The following PTPRD variants were observed in gnomAD, a reference collection of about 807,000 sequenced individuals.
PTPRD encodes receptor-type tyrosine-protein phosphatase delta.
A neutral mutation model predicts 214.5 loss-of-function variants in PTPRD; 34 were observed. That is an observed-to-expected ratio of 0.16 (90% CI 0.12 to 0.21). The LOEUF is 0.21. Among genes scored for constraint, PTPRD ranks in the 10% least tolerant of loss-of-function variants. The pLI, the probability that PTPRD is intolerant of heterozygous loss-of-function variation, is 1.00. For synonymous variants in PTPRD, 1,128 were observed against 845.7 expected (o/e 1.33, Z -5.79); for missense variants, 2,545 against 2,398.7 (o/e 1.06, Z -1.27).
At chr9:9,204,737 C>T (rs1363135700) in intron 9 of PTPRD, among the ~76,000 whole-genome samples, 1 of 152,112 alleles carries the variant, frequency 6.6e-6, no homozygotes, top group Non-Finnish European at 1.5e-5. Context: ...CTCTGTACAG[C>T]CTTGTAAAAA....
At chr9:9,267,004 T>A (rs1445974865) in intron 9 of PTPRD, among the ~76,000 whole-genome samples, 1 of 151,212 alleles carries the variant, frequency 6.6e-6, no homozygotes, top group African/African-American at 2.4e-5. Flanking sequence ...TCAACAAAAC[T>A]AAGAGTTCAT....
At chr9:10,228,730 C>T (rs1254362951) in intron 3 of PTPRD, among the ~76,000 whole-genome samples, 1 of 148,874 alleles carries the variant, frequency 6.7e-6, no homozygotes, top group East Asian at 2.0e-4. Flanking sequence ...GTATAAATTA[C>T]ATATATGTTA....
intron 11 of PTPRD, among the ~76,000 whole-genome samples, chr9:8,871,109 G>C (rs763091625): frequency 4.6e-5 from 7 of 152,090 alleles, no homozygotes; most frequent in African/African-American, 1.7e-4. Context: ...GGCAATGCCC[G>C]CTCCCTTGCT....
chr9:9,058,628 T>C (rs1019564708), intron 10 of PTPRD, among the ~76,000 whole-genome samples: 3 of 150,974 alleles, frequency 2.0e-5, no homozygotes, highest in Non-Finnish European at 4.4e-5. Context: ...TTTTTGTATT[T>C]TTAGTAGAGA....
At chr9:8,740,419 A>G (rs1312441061) in intron 11 of PTPRD, among the ~76,000 whole-genome samples, 1 of 152,220 alleles carries the variant, frequency 6.6e-6, no homozygotes, top group Non-Finnish European at 1.5e-5. Flanking sequence ...TATAGTTTTT[A>G]TAAAATGGCC....
intron 35 of PTPRD, among the ~76,000 whole-genome samples, chr9:8,409,940 C>G (rs1380098311): frequency 6.6e-6 from 1 of 152,142 alleles, no homozygotes; most frequent in Non-Finnish European, 1.5e-5. Flanking sequence ...TCCAAAGAAA[C>G]AGTATCTTTT....
intron 12 of PTPRD, among the ~76,000 whole-genome samples, chr9:8,708,619 C>T (rs1044151323): frequency 2.9e-4 from 39 of 135,040 alleles, no homozygotes; most frequent in African/African-American, 1.0e-3. Context: ...TCGGAAGTTG[C>T]AGTGAGCCCA....
rs149377212 is a variant in PTPRD at position 8,341,950 on chromosome 9, T to A, written c.4690A>T (p.Ile1564Phe). ...CTTTCTAACATGGCATCTATGACGA[T>A]GAAGCAACCAGTCCGGCCAACTCCC... ...SAGVGRTGCF[I>F]VIDAMLERIK... Residue 1564 changes from isoleucine to phenylalanine, a missense_variant, in exon 40 of 46, where the codon ATC becomes TTC. By Grantham distance (21) the Ile-to-Phe change is conservative. Coordinates refer to ENST00000381196, the MANE Select transcript of PTPRD (RefSeq NM_002839.4). 1 of 1,612,130 alleles carries A rather than the reference T, an allele frequency of 6.2e-7. No homozygotes were observed. Among genetic ancestry groups the A allele is most frequent in the African/African-American group, 1.3e-5 (1 of 74,778 alleles).
At chr9:9,624,807 C>T (rs527617960) in intron 7 of PTPRD, among the ~76,000 whole-genome samples, 1 of 139,738 alleles carries the variant, frequency 7.2e-6, no homozygotes, top group Non-Finnish European at 1.5e-5. Context: ...TAAGTTGTTA[C>T]AAATAAACTG....
intron 14 of PTPRD, among the ~76,000 whole-genome samples, chr9:8,595,159 A>G (rs1221987261): frequency 6.8e-6 from 1 of 147,156 alleles, no homozygotes; most frequent in Non-Finnish European, 1.5e-5. Flanking sequence ...CACCACACCC[A>G]GCCCCTAAAC....
rs112198623 is a variant in PTPRD at position 8,706,779 on chromosome 9, G to C, written c.64+27001C>G. On this transcript the variant is annotated intron_variant, in intron 12 of 45. Coordinates refer to ENST00000381196, the MANE Select transcript of PTPRD (RefSeq NM_002839.4). ...GTTGTCTTCATAATGCATTGCATCT[G>C]CATAGCTTGGCGTCCAGTGTTAATT... Among the ~76,000 whole-genome samples, 798 of 152,254 alleles carry C rather than the reference G, an allele frequency of 5.2e-3. 9 individuals are homozygous for C. The highest frequency in any genetic ancestry group is 0.018 in the African/African-American group (757 of 41,542).
At chr9:9,329,237 GCAAAA>G (rs998824423) in intron 9 of PTPRD, among the ~76,000 whole-genome samples, 15 of 151,790 alleles carry the variant, frequency 9.9e-5, no homozygotes, top group African/African-American at 2.7e-4. Context: ...GTAAGTTCAT[GCAAAA>G]CAAAACAAAA....
intron 11 of PTPRD, among the ~76,000 whole-genome samples, chr9:8,808,859 C>A (rs1225830103): frequency 6.6e-6 from 1 of 152,104 alleles, no homozygotes; most frequent in East Asian, 1.9e-4. Flanking sequence ...TTTCAAAGAG[C>A]TCCCCAGATG....
intron 12 of PTPRD, among the ~76,000 whole-genome samples, chr9:8,715,581 C>T (rs2098423195): frequency 6.6e-6 from 1 of 152,158 alleles, no homozygotes. Context: ...AAAACCAATG[C>T]TCTTCCCACC....
intron 7 of PTPRD, among the ~76,000 whole-genome samples, chr9:9,716,351 T>G (rs931851759): frequency 6.6e-6 from 1 of 151,606 alleles, no homozygotes; most frequent in African/African-American, 2.4e-5. Context: ...TGATTTATAG[T>G]CCTTTGGGTA....
intron 10 of PTPRD, among the ~76,000 whole-genome samples, chr9:9,156,898 C>T (rs56143206): frequency 6.6e-6 from 1 of 152,178 alleles, no homozygotes; most frequent in East Asian, 1.9e-4. Flanking sequence ...TCTCTAGATT[C>T]AAAGGAGATA....
chr9:8,945,138 C>G (rs979485288), intron 11 of PTPRD, among the ~76,000 whole-genome samples: 3 of 151,908 alleles, frequency 2.0e-5, no homozygotes, highest in African/African-American at 7.2e-5. Context: ...TTTGCTAAAT[C>G]AAATTTTAAG....
chr9:9,610,158 G>C (rs1025552754), intron 7 of PTPRD, among the ~76,000 whole-genome samples: 1 of 152,068 alleles, frequency 6.6e-6, no homozygotes, highest in Non-Finnish European at 1.5e-5. Flanking sequence ...GGAATCTTTC[G>C]AAAGGCTTTT....
At chr9:8,709,514 C>CAAAAAAAAAAAAA (rs758112672) in intron 12 of PTPRD, among the ~76,000 whole-genome samples, 4 of 56,274 alleles carry the variant, frequency 7.1e-5, no homozygotes, top group African/African-American at 7.6e-5. Context: ...GACTCCATCT[C>CAAAAAAAAAAAAA]AAAAAAAAAA....
Sources: allele counts gnomAD v4.1 joint callset (sites outside exome capture counted in the v4.1 genomes callset), GRCh38; gene constraint gnomAD v4.1.1; transcripts MANE v1.5; gene names NCBI Gene and HGNC (gene_info 2026-07-23, HGNC 2026-07-21).